The following CACNA1E variants were observed in gnomAD, a reference collection of about 807,000 sequenced individuals.
The protein encoded by CACNA1E is calcium voltage-gated channel subunit alpha1 E, also known as voltage-dependent R-type calcium channel subunit alpha-1E.
CACNA1E carries 40 observed loss-of-function variants against 259.2 expected under a neutral mutation model. The ratio of observed to expected loss-of-function variants is 0.15; its 90% CI spans 0.12 to 0.20. The LOEUF is 0.20. Ranked by LOEUF, CACNA1E falls within the 10% of genes least tolerant of loss-of-function variation. The probability of loss-of-function intolerance (pLI) is 1.00; values close to 1 mark genes in which losing one functional copy is unlikely to be tolerated. For missense variants in CACNA1E, 1,874 were observed against 3,040.1 expected (o/e 0.62, Z 9.02); for synonymous variants, 1,104 against 1,138.5 (o/e 0.97, Z 0.61).
At chr1:181,607,130 T>C (rs1287713413) in intron 6 of CACNA1E, among the ~76,000 whole-genome samples, 2 of 152,174 alleles carry the variant, frequency 1.3e-5, no homozygotes, top group Admixed American at 6.5e-5. Context: ...CCCTGGATGG[T>C]CCATCGTAGA....
chr1:181,741,613 G>A (rs189141320), intron 25 of CACNA1E, among the ~76,000 whole-genome samples: 1 of 152,236 alleles, frequency 6.6e-6, no homozygotes, highest in Non-Finnish European at 1.5e-5. Flanking sequence ...GTTGGTGCCA[G>A]TGTGGGAGGA....
intron 7 of CACNA1E, among the ~76,000 whole-genome samples, chr1:181,657,987 CACAGGCTCTCCTCTTGTATTTCTACT>C (rs1488725634): frequency 1.1e-4 from 16 of 152,318 alleles, no homozygotes; most frequent in Middle Eastern, 3.4e-3. Context: ...GAAGCCTGAC[CACAGGCTCTCCTCTTGTATTTCTACT>C]GAGAGGATAA....
At chr1:181,730,122 C>T (rs1655328702) in intron 18 of CACNA1E, among the ~76,000 whole-genome samples, 1 of 152,244 alleles carries the variant, frequency 6.6e-6, no homozygotes, top group African/African-American at 2.4e-5. Context: ...TGCCTCTGCT[C>T]CCTCAGTCCC....
chr1:181,374,043 T>C lies in CACNA1E; in HGVS notation c.-14-39090T>C, dbSNP rs145064333. Among the ~76,000 whole-genome samples, 1,285 of 152,308 alleles carry C rather than the reference T, an allele frequency of 8.4e-3. 12 individuals are homozygous for C. Among genetic ancestry groups the C allele is most frequent in the African/African-American group, 0.027 (1,125 of 41,572 alleles). On this transcript the variant is annotated intron_variant, in intron 1 of 11. Transcript: ENST00000524607. ...TTTTGTTATTTATTTTCTTCTGCTG[T>C]CTTTGGGGTTGGTTTGCTCTTGCTT...
chr1:181,468,367 C>T lies in CACNA1E; in HGVS notation c.435-15377C>T, dbSNP rs527686638. Among the ~76,000 whole-genome samples the T allele has an allele frequency of 3.3e-5, 5 of 152,334 alleles. No individual in the cohort carries two copies. In the South Asian group the frequency reaches 1.0e-3, roughly 32 times the overall value. On this transcript the variant is annotated intron_variant, in intron 2 of 11. Transcript: ENST00000524607. ...GGCTTCCTTGAGCTGAACTGATTGT[C>T]TCCAGAATGGTTTTATCAGCTGTAG... is the stretch of plus-strand genomic sequence containing the variant.
chr1:181,336,087 T>C (rs1651690663), intron 1 of CACNA1E, among the ~76,000 whole-genome samples: 1 of 152,252 alleles, frequency 6.6e-6, no homozygotes, highest in Admixed American at 6.5e-5. Context: ...TCTCCTGTTT[T>C]TCCTCTTGAT....
intron 1 of CACNA1E, among the ~76,000 whole-genome samples, chr1:181,392,988 T>C (rs556284721): frequency 6.6e-6 from 1 of 152,300 alleles, no homozygotes; most frequent in African/African-American, 2.4e-5. Flanking sequence ...ATCTGTGAAA[T>C]GATAAGGAGT....
rs558434815 is a variant in CACNA1E, at chr1:181,440,506, C to T, written c.434+26926C>T. Among the ~76,000 whole-genome samples, 53 of 152,142 alleles carry T rather than the reference C, an allele frequency of 3.5e-4. 1 individual carries two copies. The South Asian group carries it at 0.011, about 32-fold the overall frequency. ...AAGAACAATAGCAAGCTGAAACTCC[C>T]CCAAATTTGGGGGAGTGATTGGTCT... On this transcript the variant is annotated intron_variant, in intron 2 of 11. Transcript: ENST00000524607.
chr1:181,718,526 G>T (rs1406818134), intron 12 of CACNA1E, among the ~76,000 whole-genome samples: 1 of 151,096 alleles, frequency 6.6e-6, no homozygotes, highest in Non-Finnish European at 1.5e-5. Flanking sequence ...TTTTAGAGGT[G>T]GTTCCATAGG....
At chr1:181,425,253 G>A (rs1479392530) in intron 2 of CACNA1E, among the ~76,000 whole-genome samples, 1 of 152,072 alleles carries the variant, frequency 6.6e-6, no homozygotes, top group Non-Finnish European at 1.5e-5. Context: ...GGAGGAGAAG[G>A]GCCTTGGCAG....
At chr1:181,382,921 A>G (rs1359339907) in intron 1 of CACNA1E, among the ~76,000 whole-genome samples, 2 of 152,094 alleles carry the variant, frequency 1.3e-5, no homozygotes, top group African/African-American at 4.8e-5. Flanking sequence ...AGGTGGTGGG[A>G]TGAAGCTGGA....
intron 6 of CACNA1E, among the ~76,000 whole-genome samples, chr1:181,640,660 C>T (rs939249433): frequency 5.9e-5 from 9 of 152,282 alleles, no homozygotes; most frequent in South Asian, 4.1e-4. Context: ...TTTTCTTGAG[C>T]GTCTGCCCTT....
chr1:181,691,287 C>T (rs1406020035), intron 7 of CACNA1E, among the ~76,000 whole-genome samples: 3 of 151,752 alleles, frequency 2.0e-5, no homozygotes, highest in Non-Finnish European at 4.4e-5. Flanking sequence ...CATATTTGGT[C>T]AGATTTTTAC....
chr1:181,751,165 G>A (rs1406244411), intron 26 of CACNA1E, among the ~76,000 whole-genome samples: 3 of 152,190 alleles, frequency 2.0e-5, no homozygotes, highest in Non-Finnish European at 4.4e-5. Context: ...CACCATTTGT[G>A]TGTTTTATAA....
chr1:181,781,348 C>T, intron 38 of CACNA1E, 79 bp from the exon 39 acceptor site: 1 of 722,330 alleles, frequency 1.4e-6, no homozygotes, highest in East Asian at 2.7e-5. Flanking sequence ...CATCCTTCTC[C>T]CCACTTCCTT....
At chr1:181,526,730 T>G (rs1409987827) in intron 3 of CACNA1E, among the ~76,000 whole-genome samples, 1 of 152,224 alleles carries the variant, frequency 6.6e-6, no homozygotes, top group Non-Finnish European at 1.5e-5. Context: ...GTATTTGAAG[T>G]CTGCTTCTGG....
chr1:181,487,072 A>G (rs1663889413), intron 1 of CACNA1E, among the ~76,000 whole-genome samples: 1 of 151,722 alleles, frequency 6.6e-6, no homozygotes, highest in Admixed American at 6.6e-5. Flanking sequence ...TGTTCAGAAA[A>G]CATGTCAAGA....
chr1:181,521,263 C>T (rs1196946653), intron 3 of CACNA1E, among the ~76,000 whole-genome samples: 1 of 152,232 alleles, frequency 6.6e-6, no homozygotes, highest in Non-Finnish European at 1.5e-5. Context: ...ATCTCACCTC[C>T]TCTCCACCAG....
intron 1 of CACNA1E, among the ~76,000 whole-genome samples, chr1:181,377,356 G>A (rs1469045513): frequency 2.0e-5 from 3 of 152,152 alleles, no homozygotes; most frequent in African/African-American, 7.2e-5. Flanking sequence ...GCCAGAATAA[G>A]AATAAAGACC....
Sources: allele counts gnomAD v4.1 joint callset (sites outside exome capture counted in the v4.1 genomes callset), GRCh38; gene constraint gnomAD v4.1.1; transcripts MANE v1.5; gene names NCBI Gene and HGNC (gene_info 2026-07-23, HGNC 2026-07-21).